The following CCDC22 variants were observed in gnomAD, a reference collection of about 807,000 sequenced individuals.
CCDC22 encodes the protein CCC complex scaffolding subunit CCDC22.
A neutral mutation model predicts 53.1 loss-of-function variants in CCDC22; 4 were observed. The observed-to-expected ratio is 0.08, with a 90% CI of 0.04 to 0.17. The LOEUF (loss-of-function observed/expected upper bound fraction) is 0.17. Among genes scored for constraint, CCDC22 ranks in the 10% least tolerant of loss-of-function variants. The probability of loss-of-function intolerance (pLI) is 1.00; values close to 1 mark genes in which losing one functional copy is unlikely to be tolerated. For synonymous variants in CCDC22, 222 were observed against 224.4 expected (o/e 0.99, Z 0.10); for missense variants, 458 against 554.0 (o/e 0.83, Z 1.74).
rs200528517 is a variant in CCDC22 at position 49,249,212 on chromosome X, T to C, written c.1585T>C (p.Ser529Pro). ...KELQKEINSLSGKLDRTFAVT... is the reference protein window; with the variant it reads ...KELQKEINSLPGKLDRTFAVT... ...GCTTCAGAAGGAAATCAACTCCCTATCTGGGAAGCTGGACCGGACGTTTGC... is the reference window on the plus strand; with the variant it reads ...GCTTCAGAAGGAAATCAACTCCCTACCTGGGAAGCTGGACCGGACGTTTGC... The change falls in exon 14 of 17, where the codon TCT (serine) becomes CCT (proline). Residue 529 changes from serine (S) to proline (P), a missense_variant. Physicochemically the swap from Ser to Pro is moderately conservative, Grantham distance 74 (BLOSUM62 -1). Around this residue, in one of 4 missense-constraint regions of CCDC22, gnomAD observed 48 missense variants for 83.4 expected, o/e 0.58. Coordinates refer to ENST00000376227, the MANE Select transcript of CCDC22 (RefSeq NM_014008.5). 3.5e-5 allele frequency: 42 copies of C among 1,209,435 alleles called. No individual in the cohort carries two copies. The highest frequency in any genetic ancestry group is 1.0e-5 in the Non-Finnish European group (9 of 894,429).
intron 2 of CCDC22, among the ~76,000 whole-genome samples, chrX:49,241,473 C>A (rs185028494): frequency 1.2e-5 from 1 of 81,368 alleles, no homozygotes; most frequent in African/African-American, 4.7e-5. Context: ...AGCGACAGAG[C>A]GAGACCCTGT....
Position 49,249,497 on chromosome X carries a change from G to T in CCDC22, c.1636-12G>T. 1 of 1,207,191 alleles carries T rather than the reference G, an allele frequency of 8.3e-7. No individual in the cohort carries two copies. Among genetic ancestry groups the T allele is most frequent in the South Asian group, 1.8e-5 (1 of 56,856 alleles). ...GCCCACTGATACCTTTGAGGTCCCT[G>T]TGTCTGGTCAGGATGCCAAGAAGGA... On this transcript the variant is annotated splice_polypyrimidine_tract_variant and intron_variant, in intron 14 of 16. Transcript: ENST00000376227.
At position 49,249,679 on chromosome X, in the gene CCDC22, A is replaced by G; in HGVS notation, c.1724A>G (p.Glu575Gly). The G allele has an allele frequency of 8.3e-7, 1 of 1,210,481 alleles. No homozygotes were observed. Among genetic ancestry groups the G allele is most frequent in the Non-Finnish European group, 1.1e-6 (1 of 895,334 alleles). Residue 575 changes from glutamate to glycine, a missense_variant, in exon 16 of 17, where the codon GAG (glutamate) becomes GGG (glycine). Physicochemically the swap from Glu to Gly is moderately conservative, Grantham distance 98. Around this residue, in one of 4 missense-constraint regions of CCDC22, gnomAD observed 46 missense variants for 52.3 expected, o/e 0.88. Transcript: ENST00000376227. ...ENCSQLIQTI[E>G]DTGTIMREVR... Reference sequence around the variant, plus strand: ...TGCAGCCAGCTCATCCAGACCATCGAGGACACAGGCACCATCATGCGGGAG... The same window carrying G: ...TGCAGCCAGCTCATCCAGACCATCGGGGACACAGGCACCATCATGCGGGAG...
chrX:49,242,350 C>T (rs1365186651), intron 3 of CCDC22: 1 of 748,629 alleles, frequency 1.3e-6, no homozygotes, highest in Non-Finnish European at 1.6e-6. Context: ...TTGAGCTGAC[C>T]CCGGTGGTGC....
chrX:49,235,559 A>G lies in CCDC22; in HGVS notation c.-78A>G, dbSNP rs1557112483. 2.2e-6 allele frequency: 2 copies of G among 913,044 alleles called. No homozygotes were observed. The highest frequency in any genetic ancestry group is 3.1e-6 in the Non-Finnish European group (2 of 641,903). The allele number at this position is 913,044 out of a possible 1,213,427, so 75.2% of individuals were successfully genotyped here. A position where few individuals can be genotyped will look rare whatever the true frequency, so the allele number is the denominator to read the frequency against. ...GACACTCTGTGGACCGCGAGCACGG[A>G]GCAGGGTTTCTACAGCTGCTCCCCA... On this transcript the variant is annotated 5_prime_UTR_variant, in exon 1 of 17. Transcript: ENST00000376227.
intron 2 of CCDC22, among the ~76,000 whole-genome samples, chrX:49,241,560 C>T (rs2065964147): frequency 1.8e-5 from 2 of 109,470 alleles, no homozygotes; most frequent in Admixed American, 2.0e-4. Flanking sequence ...CCATCAGAAC[C>T]CTCATGAGTC....
chrX:49,236,798 G>T, intron 1 of CCDC22: 1 of 276,071 alleles, frequency 3.6e-6, no homozygotes, highest in Non-Finnish European at 6.4e-6. Flanking sequence ...CCCAGAGATT[G>T]TGCCACCTGG....
rs973823127 is a variant in CCDC22 at position 49,250,329 on chromosome X, G to A, written c.*68G>A. The A allele has an allele frequency of 1.3e-5, 8 of 600,201 alleles. No homozygotes were observed. The African/African-American group carries it at 1.6e-4, about 12-fold the overall frequency. The allele number at this position is 600,201 out of a possible 1,213,427, so 49.5% of individuals were successfully genotyped here. On this transcript the variant is annotated 3_prime_UTR_variant, in exon 17 of 17. Transcript: ENST00000376227. The stretch of plus-strand genomic sequence containing the variant: ...TTGGGGTGCTGGAGGCAGTGGCCAA[G>A]CACATGCCCTAGCTACTTCCTCCGC...
intron 8 of CCDC22, 41 bp from the exon 9 acceptor site, chrX:49,247,608 T>A: frequency 8.4e-7 from 1 of 1,185,718 alleles, no homozygotes; most frequent in Non-Finnish European, 1.1e-6. Flanking sequence ...GCTTGTCTAC[T>A]GGGCCTGACA....
intron 7 of CCDC22, 94 bp from the exon 8 acceptor site, chrX:49,247,402 C>A: frequency 1.2e-6 from 1 of 828,523 alleles, no homozygotes; most frequent in Non-Finnish European, 1.7e-6. Context: ...GCATGCATGC[C>A]GCACTGGGGG....
intron 2 of CCDC22, among the ~76,000 whole-genome samples, chrX:49,240,707 C>T (rs1388523242): frequency 8.9e-6 from 1 of 112,052 alleles, no homozygotes; most frequent in African/African-American, 3.2e-5. Flanking sequence ...ATCTTTTCTT[C>T]ATATGCCCTG....
rs782220643 is a variant in CCDC22 at position 49,249,582 on chromosome X, T to C, written c.1695+14T>C. ...GCTCTGCACGAGGTGAGGGGAGACA[T>C]GTGCCTGGGGTGGGGCTGCTGGGGG... On this transcript the variant is annotated intron_variant, in intron 15 of 16. Coordinates refer to ENST00000376227, the MANE Select transcript of CCDC22 (RefSeq NM_014008.5). The C allele has an allele frequency of 1.3e-6, 1 of 784,783 alleles. No individual in the cohort carries two copies. Among genetic ancestry groups the C allele is most frequent in the Non-Finnish European group, 1.7e-6 (1 of 578,163 alleles). The allele number at this position is 784,783 out of a possible 1,213,427, so 64.7% of individuals were successfully genotyped here.
chrX:49,246,959 G>A (rs1557114316), intron 7 of CCDC22, 34 bp downstream of exon 7: 2 of 1,105,746 alleles, frequency 1.8e-6, no homozygotes, highest in South Asian at 3.9e-5. Context: ...ATGTGTGGAT[G>A]GGCGTGGCAG....
At chrX:49,243,038 TG>T in intron 4 of CCDC22, 46 bp downstream of exon 4, 2 of 1,134,795 alleles carry the variant, frequency 1.8e-6, no homozygotes, top group South Asian at 4.0e-5. Context: ...CCCGTCTGGG[TG>T]CCCAGGGTTT....
At chrX:49,249,980 C>T (rs1245740020) in intron 16 of CCDC22, among the ~76,000 whole-genome samples, 168 bp from the exon 17 acceptor site, 8 of 112,663 alleles carry the variant, frequency 7.1e-5, no homozygotes, top group African/African-American at 1.9e-4. Context: ...TGCCACATGG[C>T]GAAGGATGCT....
chrX:49,249,227 C>A lies in CCDC22; in HGVS notation c.1600C>A (p.Arg534=). The part of the protein sequence containing the change: ...EINSLSGKLD[R]TFAVTDELVF... ...CAACTCCCTATCTGGGAAGCTGGAC[C>A]GGACGTTTGCGGTGACTGATGAGCT... Residue 534 remains arginine, a synonymous_variant, in exon 14 of 17, where the codon CGG becomes AGG. Transcript: ENST00000376227. 8.3e-7 allele frequency: 1 copy of A among 1,209,426 alleles called. No homozygotes were observed. The highest frequency in any genetic ancestry group is 1.8e-5 in the South Asian group (1 of 56,883).
intron 6 of CCDC22, among the ~76,000 whole-genome samples, chrX:49,244,079 G>A (rs908686112): frequency 1.5e-4 from 17 of 112,155 alleles, no homozygotes; most frequent in Non-Finnish European, 9.4e-5. Flanking sequence ...ATGAGCCACC[G>A]CACCCGGCCC....
Position 49,237,072 on chromosome X carries a change from G to T in CCDC22, c.51-14G>T, listed in dbSNP as rs1557112808. Reference sequence around the variant, plus strand: ...CCTGACTATTCCTGCGATCAAGCTGGTCCCCTTCTTCAGGGCAGTTCCTCC... The same window carrying T: ...CCTGACTATTCCTGCGATCAAGCTGTTCCCCTTCTTCAGGGCAGTTCCTCC... On this transcript the variant is annotated splice_polypyrimidine_tract_variant and intron_variant, in intron 1 of 16. Coordinates refer to ENST00000376227, the MANE Select transcript of CCDC22 (RefSeq NM_014008.5). The T allele has an allele frequency of 1.7e-6, 2 of 1,201,941 alleles. No homozygotes were observed. The highest frequency in any genetic ancestry group is 6.0e-5 in the East Asian group (2 of 33,586).
In CCDC22 at chrX:49,236,514, A is replaced by AC. The variant is rs1474432180; in HGVS notation, c.51-569dup. Among the ~76,000 whole-genome samples, 146 of 111,045 alleles carry AC rather than the reference A, an allele frequency of 1.3e-3. 1 individual carries two copies. Among genetic ancestry groups the AC allele is most frequent in the African/African-American group, 4.5e-3 (137 of 30,505 alleles). On this transcript the variant is annotated intron_variant, in intron 1 of 16. Transcript: ENST00000376227. ...TGAGCCACCACGCCCAGCCAAAAAA[A>AC]CCCAGAATTCTAAAATCTGACATCA...
Sources: gnomAD v4.1 joint callset for allele counts (sites outside exome capture counted in the v4.1 genomes callset) on GRCh38, gnomAD v4.1.1 for gene constraint, gnomAD v4.1.1 regional missense constraint, MANE v1.5 for transcripts, NCBI Gene and HGNC (gene_info 2026-07-23, HGNC 2026-07-21) for gene names.